The following PZP variants were observed in gnomAD, a reference collection of about 807,000 sequenced individuals.
The protein encoded by PZP is pregnancy zone protein.
A neutral mutation model predicts 179.8 loss-of-function variants in PZP; 150 were observed. That is an observed-to-expected ratio of 0.83 (90% confidence interval 0.73 to 0.96). The LOEUF (loss-of-function observed/expected upper bound fraction) is 0.96. PZP is among the 40% of genes least tolerant of loss of function. The pLI, the probability that PZP is intolerant of heterozygous loss-of-function variation, is 0.00. For missense variants in PZP, 1,689 were observed against 1,764.0 expected (o/e 0.96, Z 0.76); for synonymous variants, 624 against 652.3 (o/e 0.96, Z 0.66).
At position 9,194,018 on chromosome 12, in the gene PZP, AAT is replaced by A. The variant is rs1017893114; in HGVS notation, c.1254+57_1254+58del. On this transcript the variant is annotated intron_variant, in intron 11 of 35. Coordinates refer to ENST00000261336, the MANE Select transcript of PZP (RefSeq NM_002864.3). Reference sequence around the variant, plus strand: ...AAATGCAATCTGTACATTTCTTCTGAATATATCACTGTTCCTAACATTTCCTT... The same window carrying A: ...AAATGCAATCTGTACATTTCTTCTGAATATCACTGTTCCTAACATTTCCTT... The A allele has an allele frequency of 6.9e-5, 102 of 1,474,218 alleles. 1 individual carries two copies. The African/African-American group carries it at 1.0e-3, about 15-fold the overall frequency. 91.3% of individuals were successfully genotyped at this position (1,474,218 alleles called of 1,614,324 possible).
chr12:9,169,629 T>C, intron 15 of PZP, 38 bp from the exon 16 acceptor site: 1 of 1,518,230 alleles, frequency 6.6e-7, no homozygotes, highest in Non-Finnish European at 8.8e-7. Context: ...AACTGTTACT[T>C]ACTTTTCTTT....
chr12:9,138,737 G>A, the PZP span, among the ~76,000 whole-genome samples: 3 of 151,690 alleles, frequency 2.0e-5, no homozygotes, highest in Non-Finnish European at 4.4e-5. Context: ...TGTGTATTTG[G>A]GAATTTACAC....
At chr12:9,194,962 A>G (rs1032178643) in intron 10 of PZP, among the ~76,000 whole-genome samples, 1 of 152,148 alleles carries the variant, frequency 6.6e-6, no homozygotes, top group Non-Finnish European at 1.5e-5. Context: ...TAAAAGGGGG[A>G]TAATAGTTGT....
intron 1 of PZP, among the ~76,000 whole-genome samples, chr12:9,207,022 G>A (rs910684039): frequency 2.0e-5 from 3 of 152,142 alleles, no homozygotes; most frequent in Non-Finnish European, 2.9e-5. Flanking sequence ...GATAGTGGGG[G>A]AGAAATGTAC....
chr12:9,182,341 C>T (rs1942822702), intron 13 of PZP, among the ~76,000 whole-genome samples: 1 of 152,184 alleles, frequency 6.6e-6, no homozygotes, highest in South Asian at 2.1e-4. Flanking sequence ...AAGTTCCTTT[C>T]ACTCACATCT....
rs780720028 is a variant in PZP, at chr12:9,152,935, T to G, written c.4010A>C (p.Asn1337Thr). ...CVYLQTSMKY[N>T]ILPEKEDSPF... ...GGAGTCCTCTTTCTCTGGAAGAATA[T>G]TGTATTTCATGGATGTCTGTGAAAC... The change falls in exon 31 of 36, where the codon AAT becomes ACT. Residue 1337 changes from asparagine to threonine, a missense_variant. By Grantham distance (65) the Asn-to-Thr change is moderately conservative. Transcript: ENST00000261336. The G allele has an allele frequency of 6.2e-7, 1 of 1,614,034 alleles. No individual in the cohort carries two copies.
chr12:9,161,158 A>G (rs1397370022), intron 22 of PZP, 42 bp from the exon 23 acceptor site: 1 of 1,439,900 alleles, frequency 6.9e-7, no homozygotes, highest in Admixed American at 2.0e-5. Flanking sequence ...GACATCTATG[A>G]TTACAATATA....
At chr12:9,198,045 CAT>C (rs11471363) in intron 7 of PZP, among the ~76,000 whole-genome samples, 78,442 of 141,876 alleles carry the variant, frequency 0.55, 21,669 homozygotes, top group Admixed American at 0.63. Context: ...TATATGCAAA[CAT>C]ATATATATAT....
intron 15 of PZP, among the ~76,000 whole-genome samples, chr12:9,180,011 C>T (rs11615443): frequency 0.082 from 12,444 of 152,158 alleles, 695 homozygotes; most frequent in African/African-American, 0.16. Flanking sequence ...TATTATTCTC[C>T]GGAATGTTGG....
At chr12:9,205,619 A>ATGATTCAG (rs1271890990) in intron 1 of PZP, among the ~76,000 whole-genome samples, 5 of 152,210 alleles carry the variant, frequency 3.3e-5, no homozygotes, top group Non-Finnish European at 5.9e-5. Flanking sequence ...CAAAGCTTTA[A>ATGATTCAG]TGATTCAGTG....
chr12:9,169,588 A>G lies in PZP; in HGVS notation c.1843T>C (p.Tyr615His). ...AGATCCTTCACAGTTAGCAGATTAT[A>G]TACCTGTAGCAGTGGGGGGATCAAA... The part of the protein sequence containing the change: ...PEAELSVSSV[Y>H]NLLTVKDLTN... The change falls in exon 16 of 36, where the codon TAT becomes CAT. Residue 615 changes from tyrosine to histidine, a missense_variant. Tyr to His is a moderately conservative substitution (Grantham distance 83). Around this residue, in one of 3 missense-constraint regions of PZP, gnomAD observed 201 missense variants for 284.2 expected, o/e 0.71. Transcript: ENST00000261336. The G allele has an allele frequency of 6.2e-7, 1 of 1,607,364 alleles. No individual in the cohort carries two copies. Among genetic ancestry groups the G allele is most frequent in the East Asian group, 2.2e-5 (1 of 44,614 alleles).
At chr12:9,196,772 A>T in intron 8 of PZP, 87 bp from the exon 9 acceptor site, 1 of 1,214,640 alleles carries the variant, frequency 8.2e-7, no homozygotes, top group Non-Finnish European at 1.2e-6. Flanking sequence ...ATGACAAGAA[A>T]ACTTTTTTTT....
chr12:9,148,882 G>T lies in PZP; in HGVS notation c.*90C>A. The T allele has an allele frequency of 1.8e-6, 2 of 1,121,508 alleles. No individual in the cohort carries two copies. Among genetic ancestry groups the T allele is most frequent in the Non-Finnish European group, 2.6e-6 (2 of 756,966 alleles). The allele number at this position is 1,121,508 out of a possible 1,614,324, so 69.5% of individuals were successfully genotyped here. On this transcript the variant is annotated 3_prime_UTR_variant, in exon 36 of 36. Coordinates refer to ENST00000261336, the MANE Select transcript of PZP (RefSeq NM_002864.3). The stretch of plus-strand genomic sequence containing the variant: ...CATATTTATTCAGCAAATATTTTTA[G>T]TGTCTATTTTATAGAGACAAATAAC...
In PZP at chr12:9,182,132, G is replaced by GAGTGAGACAAAATGGTTATA. The variant is rs1555172765; in HGVS notation, c.1547-16_1547-15insTATAACCATTTTGTCTCACT. 14 of 1,554,324 alleles carry GAGTGAGACAAAATGGTTATA rather than the reference G, an allele frequency of 9.0e-6. No individual in the cohort carries two copies. Among genetic ancestry groups the GAGTGAGACAAAATGGTTATA allele is most frequent in the African/African-American group, 1.4e-5 (1 of 71,946 alleles). On this transcript the variant is annotated splice_polypyrimidine_tract_variant and intron_variant, in intron 13 of 35. Coordinates refer to ENST00000261336, the MANE Select transcript of PZP (RefSeq NM_002864.3). ...ACTGCCTTTCACTGGAACATGGAGA[G>GAGTGAGACAAAATGGTTATA]AGTGAGACAAAATGGTCATAAGTGA...
At chr12:9,198,850 T>C (rs1215957197) in intron 7 of PZP, among the ~76,000 whole-genome samples, 2 of 152,320 alleles carry the variant, frequency 1.3e-5, no homozygotes, top group Middle Eastern at 3.4e-3. Context: ...CATAACTCCT[T>C]GGCCATTGCT....
chr12:9,169,055 G>GGA, intron 16 of PZP, 81 bp from the exon 17 acceptor site: 1 of 966,512 alleles, frequency 1.0e-6, no homozygotes, highest in Non-Finnish European at 1.6e-6. Context: ...ACTTCTCTAT[G>GGA]TAATTCCAGT....
rs751013262 is a variant in PZP at position 9,152,297 on chromosome 12, G to A, written c.4135C>T (p.Arg1379Cys). 88 of 1,612,350 alleles carry A rather than the reference G, an allele frequency of 5.5e-5. No homozygotes were observed. Among genetic ancestry groups the A allele is most frequent in the South Asian group, 6.6e-5 (6 of 91,042 alleles). The part of the protein sequence containing the change: ...ISLTISYTGN[R>C]PASNMVIVDV... Reference sequence around the variant, plus strand: ...ACAATCACCATATTGGAAGCAGGACGGTTTCCTGTGTAACTGTAGTGTCAA... The same window carrying A: ...ACAATCACCATATTGGAAGCAGGACAGTTTCCTGTGTAACTGTAGTGTCAA... Residue 1379 changes from arginine to cysteine, a missense_variant, in exon 32 of 36, where the codon CGT (arginine) becomes TGT (cysteine). Coordinates refer to ENST00000261336, the MANE Select transcript of PZP (RefSeq NM_002864.3).
At chr12:9,156,865 C>G (rs1455187307) in intron 28 of PZP, among the ~76,000 whole-genome samples, 2 of 152,090 alleles carry the variant, frequency 1.3e-5, no homozygotes, top group Middle Eastern at 3.4e-3. Context: ...GCTGTTTGCT[C>G]TCACCTTTTT....
chr12:9,164,307 G>A (rs746502030), intron 19 of PZP, 48 bp from the exon 20 acceptor site: 28 of 1,581,010 alleles, frequency 1.8e-5, no homozygotes, highest in Middle Eastern at 1.7e-4. Context: ...AATATGGAAC[G>A]ACACGAACAC....
Sources: gnomAD v4.1 joint callset for allele counts (sites outside exome capture counted in the v4.1 genomes callset) on GRCh38, gnomAD v4.1.1 for gene constraint, gnomAD v4.1.1 regional missense constraint, MANE v1.5 for transcripts, NCBI Gene and HGNC (gene_info 2026-07-23, HGNC 2026-07-21) for gene names.